Variants in CENPP observed in about 807,000 individuals in gnomAD.
The protein encoded by CENPP is centromere protein P.
Under a neutral mutation model 35.6 loss-of-function variants are expected in CENPP, and 24 were observed. That is an observed-to-expected ratio of 0.67 (90% confidence interval 0.49 to 0.95). CENPP has a LOEUF of 0.95. Among genes scored for constraint, CENPP ranks in the 40% least tolerant of loss-of-function variants. CENPP has a pLI of 0.00. For synonymous variants in CENPP, 120 were observed against 125.5 expected, an observed-to-expected ratio of 0.96 and a Z score of 0.29; for missense variants, 332 against 345.3, an observed-to-expected ratio of 0.96 and a Z score of 0.31.
chr9:92,574,708 A>G (rs1214592991), intron 5 of CENPP, among the ~76,000 whole-genome samples: 1 of 152,238 alleles, frequency 6.6e-6, no homozygotes, highest in Non-Finnish European at 1.5e-5. Flanking sequence ...TTTCGCAGAA[A>G]TAGAAAAACT....
chr9:92,350,172 G>C (rs1841407055), intron 4 of CENPP, among the ~76,000 whole-genome samples: 3 of 152,206 alleles, frequency 2.0e-5, no homozygotes, highest in South Asian at 2.1e-4. Flanking sequence ...CTTTATACTT[G>C]AGAAGGAGAC....
chr9:92,334,899 A>G (rs906114476), intron 2 of CENPP, among the ~76,000 whole-genome samples: 6 of 151,660 alleles, frequency 4.0e-5, no homozygotes, highest in African/African-American at 1.2e-4. Flanking sequence ...AAAAAACAAA[A>G]AAAAAGGCCG....
At chr9:92,352,505 G>GTGTGTGTGTATAGATATATATATATATA in intron 4 of CENPP, among the ~76,000 whole-genome samples, 1 of 49,794 alleles carries the variant, frequency 2.0e-5, no homozygotes. Context: ...GTGTGTGTGT[G>GTGTGTGTGTATAGATATATATATATATA]TATACATATA....
At chr9:92,412,934 A>G (rs1843484299) in intron 5 of CENPP, among the ~76,000 whole-genome samples, 2 of 135,666 alleles carry the variant, frequency 1.5e-5, no homozygotes, top group South Asian at 4.8e-4. Flanking sequence ...TCTATTGGGT[A>G]TATAGTTAGG....
chr9:92,435,563 T>A (rs1588128140), intron 5 of CENPP, among the ~76,000 whole-genome samples: 3 of 152,304 alleles, frequency 2.0e-5, no homozygotes, highest in African/African-American at 7.2e-5. Flanking sequence ...GGTACATAAA[T>A]CTCTTGCCCT....
intron 5 of CENPP, among the ~76,000 whole-genome samples, chr9:92,531,371 T>C (rs1252984069): frequency 1.3e-5 from 2 of 152,216 alleles, no homozygotes; most frequent in Non-Finnish European, 2.9e-5. Context: ...AGAACCAGGA[T>C]GAACTTCAAC....
In CENPP at chr9:92,567,369, G is replaced by GATATATATATATATATATATAT. The variant is rs888840109; in HGVS notation, c.565-43942_565-43941insTATATATATATATATATATATA. Among the ~76,000 whole-genome samples, 11 of 104,090 alleles carry GATATATATATATATATATATAT rather than the reference G, an allele frequency of 1.1e-4. 1 individual carries two copies. Among genetic ancestry groups the GATATATATATATATATATATAT allele is most frequent in the East Asian group, 9.0e-4 (3 of 3,330 alleles). 68.3% of individuals were successfully genotyped at this position (104,090 alleles called of 152,430 possible). On this transcript the variant is annotated intron_variant, in intron 5 of 7. Transcript: ENST00000375587. ...ATTTATGGGGTATACAGTTACATAA[G>GATATATATATATATATATATAT]ATAGATATATATATATATATATATA... is the stretch of plus-strand genomic sequence containing the variant.
chr9:92,502,398 G>T, intron 5 of CENPP: 2 of 1,286,170 alleles, frequency 1.6e-6, no homozygotes, highest in Non-Finnish European at 2.2e-6. Context: ...CTGTCTCCGA[G>T]CCCTTCAGTA....
chr9:92,470,818 C>T, intron 5 of CENPP: 1 of 1,216,406 alleles, frequency 8.2e-7, no homozygotes, highest in Non-Finnish European at 1.2e-6. Context: ...AATAGAGAAT[C>T]ATGCTGAAGA....
At chr9:92,409,896 A>C (rs1843400305) in intron 5 of CENPP, among the ~76,000 whole-genome samples, 2 of 152,092 alleles carry the variant, frequency 1.3e-5, no homozygotes, top group Admixed American at 1.3e-4. Flanking sequence ...ATCGTCTCCC[A>C]GGGAATGCAT....
intron 5 of CENPP, chr9:92,501,202 A>G: frequency 2.5e-6 from 2 of 787,972 alleles, no homozygotes; most frequent in South Asian, 3.8e-5. Flanking sequence ...TTTTCCAGGT[A>G]TAGCCAGCCC....
Position 92,421,969 on chromosome 9 carries a change from A to AT in CENPP, c.564+42112dup, listed in dbSNP as rs532709878. On this transcript the variant is annotated intron_variant, in intron 5 of 7. Transcript: ENST00000375587. ...AGATTAATAGGAATGGATATAGAAT[A>AT]TTCTATACATTTTATACTCATTGAT... Among the ~76,000 whole-genome samples, 34 of 152,222 alleles carry AT rather than the reference A, an allele frequency of 2.2e-4. No individual in the cohort carries two copies. In the South Asian group the frequency reaches 7.0e-3, roughly 32 times the overall value.
chr9:92,484,863 C>G (rs1369554656), intron 5 of CENPP, among the ~76,000 whole-genome samples: 1 of 152,214 alleles, frequency 6.6e-6, no homozygotes, highest in Non-Finnish European at 1.5e-5. Context: ...GTTACAGCTA[C>G]TTTTCCTTCT....
At chr9:92,497,492 C>T (rs920400340) in intron 5 of CENPP, among the ~76,000 whole-genome samples, 4 of 151,532 alleles carry the variant, frequency 2.6e-5, no homozygotes, top group Admixed American at 6.6e-5. Context: ...GGCATGGTGG[C>T]GTATCCTTGT....
intron 1 of CENPP, among the ~76,000 whole-genome samples, chr9:92,329,526 T>C (rs930408650): frequency 2.6e-5 from 4 of 152,094 alleles, no homozygotes; most frequent in Admixed American, 2.6e-4. Context: ...TTTTTTCTTT[T>C]TCTTTTTCTT....
rs199801211 is a variant in CENPP at position 92,332,192 on chromosome 9, C to G, written c.130C>G (p.Gln44Glu). The part of the protein sequence containing the change: ...RVQKSFQAIH[Q>E]FNLEGWKSSK... ...TAGAAAATCTTTTCAAGCCATACAC[C>G]AATTCAATTTGGAAGGATGGAAGTC... Residue 44 changes from glutamine to glutamate, a missense_variant, in exon 2 of 8, where the codon CAA (glutamine) becomes GAA (glutamate). Transcript: ENST00000375587. The G allele has an allele frequency of 2.5e-5, 40 of 1,602,834 alleles. No homozygotes were observed. The highest frequency in any genetic ancestry group is 2.6e-5 in the Non-Finnish European group (31 of 1,176,144).
At chr9:92,397,577 G>A (rs970846558) in intron 5 of CENPP, among the ~76,000 whole-genome samples, 1 of 152,086 alleles carries the variant, frequency 6.6e-6, no homozygotes, top group Admixed American at 6.5e-5. Context: ...TGGTCCACCC[G>A]CCTTGGCCTC....
chr9:92,330,972 G>A (rs1840727733), intron 1 of CENPP, among the ~76,000 whole-genome samples: 1 of 152,110 alleles, frequency 6.6e-6, no homozygotes, highest in African/African-American at 2.4e-5. Flanking sequence ...TTGCAGGCGT[G>A]AGCCACTGCG....
intron 5 of CENPP, among the ~76,000 whole-genome samples, chr9:92,416,103 A>ATTT (rs1196539814): frequency 1.6e-5 from 2 of 128,498 alleles, no homozygotes; most frequent in Admixed American, 8.0e-5. Context: ...TATTTATTTT[A>ATTT]TTTTTTTTTT....
Sources: gnomAD v4.1 joint callset for allele counts (sites outside exome capture counted in the v4.1 genomes callset) on GRCh38, gnomAD v4.1.1 for gene constraint, MANE v1.5 for transcripts, NCBI Gene and HGNC (gene_info 2026-07-23, HGNC 2026-07-21) for gene names.